Variants in PLCB1 observed in about 807,000 individuals in gnomAD.
PLCB1 encodes the protein 1-phosphatidylinositol 4,5-bisphosphate phosphodiesterase beta-1.
PLCB1 carries 46 observed loss-of-function variants against 161.8 expected under a neutral mutation model. That is an observed-to-expected ratio of 0.28 (90% CI 0.22 to 0.36). PLCB1 has a LOEUF of 0.36. PLCB1 is among the 10% of genes least tolerant of loss of function. The probability of loss-of-function intolerance (pLI) is 1.00; values close to 1 mark genes in which losing one functional copy is unlikely to be tolerated. For synonymous variants in PLCB1, 517 were observed against 503.7 expected (o/e 1.03, Z -0.35); for missense variants, 1,016 against 1,472.5 (o/e 0.69, Z 5.07).
chr20:8,764,363 GCA>G (rs1322530442), intron 25 of PLCB1, among the ~76,000 whole-genome samples: 3 of 152,124 alleles, frequency 2.0e-5, no homozygotes, highest in African/African-American at 4.8e-5. Flanking sequence ...TGTAGAACCT[GCA>G]CAGTTATTTT....
intron 3 of PLCB1, among the ~76,000 whole-genome samples, chr20:8,600,514 A>G (rs1600182738): frequency 2.0e-5 from 3 of 151,254 alleles, no homozygotes; most frequent in Admixed American, 1.3e-4. Context: ...GCTCTCAGAC[A>G]GGGACATTTA....
chr20:8,341,396 TTG>T (rs1355290954), intron 2 of PLCB1, among the ~76,000 whole-genome samples: 2 of 152,192 alleles, frequency 1.3e-5, no homozygotes, highest in Non-Finnish European at 2.9e-5. Flanking sequence ...GTCCAACATC[TTG>T]TCATTCCTTT....
Position 8,765,092 on chromosome 20 carries a change from A to G in PLCB1, c.2711-47A>G, listed in dbSNP as rs200255932. Reference sequence around the variant, plus strand: ...GGTAGCCGCTCTTCTTTCCATCTGGATGTTCAGCCCTCCCATTCCCTTAGC... The same window carrying G: ...GGTAGCCGCTCTTCTTTCCATCTGGGTGTTCAGCCCTCCCATTCCCTTAGC... On this transcript the variant is annotated intron_variant, in intron 25 of 31. Coordinates refer to ENST00000338037, the MANE Select transcript of PLCB1 (RefSeq NM_015192.4). 38 of 1,436,770 alleles carry G rather than the reference A, an allele frequency of 2.6e-5. No homozygotes were observed. In the African/African-American group the frequency reaches 4.8e-4, roughly 18 times the overall value. The allele number at this position is 1,436,770 out of a possible 1,614,324, so 89.0% of individuals were successfully genotyped here.
At chr20:8,320,948 A>C (rs1984892221) in intron 2 of PLCB1, among the ~76,000 whole-genome samples, 1 of 151,720 alleles carries the variant, frequency 6.6e-6, no homozygotes, top group African/African-American at 2.4e-5. Flanking sequence ...AAGAAAAGGA[A>C]GGAAGGAAAA....
chr20:8,428,245 G>T (rs1979875362), intron 3 of PLCB1, among the ~76,000 whole-genome samples: 5 of 151,244 alleles, frequency 3.3e-5, no homozygotes, highest in Non-Finnish European at 7.4e-5. Context: ...TTCTGTGACA[G>T]AGTCTCACTC....
chr20:8,317,439 A>C (rs1304368365), intron 2 of PLCB1, among the ~76,000 whole-genome samples: 1 of 152,114 alleles, frequency 6.6e-6, no homozygotes, highest in African/African-American at 2.4e-5. Context: ...CTGATCACAC[A>C]GGCTGTCTTT....
At chr20:8,634,625 T>C (rs749637605) in intron 4 of PLCB1, among the ~76,000 whole-genome samples, 4 of 152,236 alleles carry the variant, frequency 2.6e-5, no homozygotes, top group Non-Finnish European at 4.4e-5. Flanking sequence ...ATCTGCCTGC[T>C]CATCTGCATA....
At chr20:8,766,370 G>A (rs6056080) in intron 26 of PLCB1, among the ~76,000 whole-genome samples, 48,542 of 152,076 alleles carry the variant, frequency 0.32, 7,851 homozygotes, top group Middle Eastern at 0.49. Context: ...GCAATAAGGT[G>A]GCACAGAAAG....
At chr20:8,361,442 C>A (rs1986538646) in intron 2 of PLCB1, among the ~76,000 whole-genome samples, 1 of 152,122 alleles carries the variant, frequency 6.6e-6, no homozygotes, top group Non-Finnish European at 1.5e-5. Flanking sequence ...CAGATTGCAT[C>A]TGAATCACTG....
At chr20:8,516,778 C>T (rs1243114373) in intron 3 of PLCB1, among the ~76,000 whole-genome samples, 1 of 144,908 alleles carries the variant, frequency 6.9e-6, no homozygotes, top group Non-Finnish European at 1.5e-5. Context: ...AAGTTTTCGG[C>T]AAGATAGATA....
intron 31 of PLCB1, among the ~76,000 whole-genome samples, chr20:8,837,855 A>G (rs1431077696): frequency 6.6e-6 from 1 of 152,198 alleles, no homozygotes; most frequent in Non-Finnish European, 1.5e-5. Context: ...ATTGGATCCC[A>G]GGGTGGCAGG....
At chr20:8,662,366 T>C (rs536906032) in intron 9 of PLCB1, among the ~76,000 whole-genome samples, 1 of 129,024 alleles carries the variant, frequency 7.8e-6, no homozygotes, top group South Asian at 2.3e-4. Context: ...AATTATTTAT[T>C]ATATAATTAT....
intron 23 of PLCB1, chr20:8,751,081 GCC>G: frequency 3.5e-5 from 8 of 226,114 alleles, no homozygotes; most frequent in Non-Finnish European, 5.4e-5. Context: ...GACTACAGGC[GCC>G]CACCACCAAG....
At chr20:8,484,355 T>TG (rs1982632054) in intron 3 of PLCB1, among the ~76,000 whole-genome samples, 1 of 150,074 alleles carries the variant, frequency 6.7e-6, no homozygotes, top group African/African-American at 2.5e-5. Context: ...AGCTGCTGCT[T>TG]CTTCTTCTTC....
chr20:8,492,000 T>C (rs1982965807), intron 3 of PLCB1, among the ~76,000 whole-genome samples: 1 of 152,152 alleles, frequency 6.6e-6, no homozygotes, highest in South Asian at 2.1e-4. Flanking sequence ...CTTATCCCTG[T>C]TAATCCATTT....
At chr20:8,457,046 A>G (rs1195203205) in intron 3 of PLCB1, among the ~76,000 whole-genome samples, 1 of 152,174 alleles carries the variant, frequency 6.6e-6, no homozygotes, top group African/African-American at 2.4e-5. Flanking sequence ...ATCATCTTAC[A>G]TGGACTTCTC....
At chr20:8,183,550 AC>A (rs2051869813) in intron 2 of PLCB1, among the ~76,000 whole-genome samples, 1 of 152,192 alleles carries the variant, frequency 6.6e-6, no homozygotes, top group South Asian at 2.1e-4. Context: ...ATATTTTGAT[AC>A]CCCTTGATAT....
rs1982849032 is a variant in PLCB1 at position 8,774,535 on chromosome 20, G to A, written c.2931-4G>A. The A allele has an allele frequency of 5.6e-6, 9 of 1,600,256 alleles. No individual in the cohort carries two copies. The South Asian group carries it at 1.0e-4, about 18-fold the overall frequency. ...TTTGTGAGTCAAACTCTGTGTCTTT[G>A]CAGATCGGAACCCAGCAGCCCTGAT... On this transcript the variant is annotated splice_region_variant and splice_polypyrimidine_tract_variant and intron_variant, in intron 26 of 31. Coordinates refer to ENST00000338037, the MANE Select transcript of PLCB1 (RefSeq NM_015192.4).
chr20:8,624,427 G>A (rs1988274344), intron 3 of PLCB1, among the ~76,000 whole-genome samples: 1 of 152,170 alleles, frequency 6.6e-6, no homozygotes, highest in African/African-American at 2.4e-5. Context: ...TAAAGGTCAT[G>A]AAGAGATGTT....
Sources: allele counts gnomAD v4.1 joint callset (sites outside exome capture counted in the v4.1 genomes callset), GRCh38; gene constraint gnomAD v4.1.1; transcripts MANE v1.5; gene names NCBI Gene and HGNC (gene_info 2026-07-23, HGNC 2026-07-21).